NRG1: variants seen among roughly 807,000 people sequenced by gnomAD.
NRG1 encodes the protein neuregulin 1.
NRG1 carries 18 observed loss-of-function variants against 63.8 expected under a neutral mutation model. The observed-to-expected ratio is 0.28, with a 90% confidence interval of 0.19 to 0.42. The LOEUF (loss-of-function observed/expected upper bound fraction) is 0.42. Ranked by LOEUF, NRG1 falls within the 10% of genes least tolerant of loss-of-function variation. The pLI is 1.00. For synonymous variants in NRG1, 302 were observed against 301.3 expected (o/e 1.00, Z -0.02); for missense variants, 762 against 814.7 (o/e 0.94, Z 0.79).
intron 1 of NRG1, among the ~76,000 whole-genome samples, chr8:32,388,801 TA>T (rs1811348072): frequency 6.6e-6 from 1 of 152,066 alleles, no homozygotes; most frequent in African/African-American, 2.4e-5. Context: ...TAAAAATCAA[TA>T]AAAAATGATA....
At chr8:32,728,008 A>G (rs958835742) in exon 6 of NRG1, 48 of 1,614,010 alleles carry the variant, frequency 3.0e-5, no homozygotes, top group Non-Finnish European at 4.0e-5. Flanking sequence ...GAAGGAGAAA[A>G]CTTTCTGTGT....
intron 1 of NRG1, among the ~76,000 whole-genome samples, chr8:32,409,438 A>G (rs961317987): frequency 6.6e-6 from 1 of 152,238 alleles, no homozygotes; most frequent in African/African-American, 2.4e-5. Flanking sequence ...GCTTTGGCAC[A>G]GCAAAAGATA....
At chr8:32,387,290 A>G (rs941155035) in intron 1 of NRG1, among the ~76,000 whole-genome samples, 8 of 152,258 alleles carry the variant, frequency 5.3e-5, no homozygotes, top group Admixed American at 2.6e-4. Context: ...GTCATCAACA[A>G]TGGCTTTGAA....
intron 1 of NRG1, among the ~76,000 whole-genome samples, chr8:32,385,333 T>C (rs1810876760): frequency 6.6e-6 from 1 of 152,170 alleles, no homozygotes; most frequent in South Asian, 2.1e-4. Flanking sequence ...CTGGCCTCTC[T>C]TTTTTGAATG....
intron 1 of NRG1, among the ~76,000 whole-genome samples, chr8:31,732,915 A>G (rs1814246759): frequency 6.6e-6 from 1 of 152,064 alleles, no homozygotes; most frequent in African/African-American, 2.4e-5. Context: ...ACAAAAAACA[A>G]GTATATTGTG....
chr8:32,235,213 A>T (rs1021637101), intron 1 of NRG1, among the ~76,000 whole-genome samples: 1 of 136,528 alleles, frequency 7.3e-6, no homozygotes, highest in Non-Finnish European at 1.6e-5. Flanking sequence ...GGGCAATATG[A>T]TGAAACCTAA....
chr8:31,854,932 T>G (rs1827686600), intron 1 of NRG1, among the ~76,000 whole-genome samples: 1 of 152,208 alleles, frequency 6.6e-6, no homozygotes, highest in African/African-American at 2.4e-5. Context: ...TTGAGTGAGA[T>G]TCTTAATCCT....
intron 1 of NRG1, among the ~76,000 whole-genome samples, chr8:32,303,183 C>CAAAAAAAAAAAAA (rs1563291349): frequency 5.0e-5 from 3 of 59,708 alleles, no homozygotes; most frequent in Admixed American, 2.5e-4. Context: ...AACTCAGTCT[C>CAAAAAAAAAAAAA]CAAAAAAAAA....
At chr8:31,838,522 T>C (rs572303902) in intron 1 of NRG1, among the ~76,000 whole-genome samples, 3 of 152,236 alleles carry the variant, frequency 2.0e-5, no homozygotes, top group African/African-American at 2.4e-5. Context: ...AAGTTCAAGA[T>C]TGATTTAGAG....
At chr8:32,474,756 G>T (rs1459444649) in intron 1 of NRG1, among the ~76,000 whole-genome samples, 1 of 151,916 alleles carries the variant, frequency 6.6e-6, no homozygotes, top group Admixed American at 6.6e-5. Context: ...TGCCCACCTC[G>T]GCCTCCCAAA....
intron 1 of NRG1, among the ~76,000 whole-genome samples, chr8:31,645,684 A>G (rs1804220774): frequency 6.6e-6 from 1 of 152,342 alleles, no homozygotes; most frequent in African/African-American, 2.4e-5. Context: ...GGTCTTCTTC[A>G]GGAGAACCAG....
At chr8:32,753,189 G>A (rs1020040968) in intron 7 of NRG1, among the ~76,000 whole-genome samples, 27 of 152,152 alleles carry the variant, frequency 1.8e-4, no homozygotes, top group African/African-American at 6.5e-4. Context: ...AGCTTACACT[G>A]CTTATTTCAT....
chr8:32,102,382 C>G (rs756792989), intron 1 of NRG1, among the ~76,000 whole-genome samples: 3 of 152,102 alleles, frequency 2.0e-5, no homozygotes, highest in Non-Finnish European at 4.4e-5. Context: ...AAGCTTTCCT[C>G]CCTCCTTGGC....
intron 1 of NRG1, among the ~76,000 whole-genome samples, chr8:32,292,042 T>C (rs1854265651): frequency 6.6e-6 from 1 of 152,194 alleles, no homozygotes; most frequent in Non-Finnish European, 1.5e-5. Flanking sequence ...AATTCAATCC[T>C]GAGTTTTCAA....
At chr8:32,604,266 C>T (rs1844874359) in intron 2 of NRG1, among the ~76,000 whole-genome samples, 2 of 152,098 alleles carry the variant, frequency 1.3e-5, no homozygotes, top group Non-Finnish European at 1.5e-5. Context: ...ATGACACAGA[C>T]AAAAGCACAG....
rs4255096 is a variant in NRG1 at position 32,175,283 on chromosome 8, T to A, written c.38-420545T>A. Among the ~76,000 whole-genome samples, 73 of 148,908 alleles carry A rather than the reference T, an allele frequency of 4.9e-4. No individual in the cohort carries two copies. In the South Asian group the frequency reaches 8.1e-3, roughly 16 times the overall value. ...AAGGCCTTTGACAAAATTCAACAAC[T>A]CTTCATGCTAAAAACTATCAATAAA... On this transcript the variant is annotated intron_variant, in intron 1 of 10. Coordinates refer to the NRG1 transcript ENST00000519301.
At chr8:32,630,449 T>C (rs1490358707) in intron 5 of NRG1, among the ~76,000 whole-genome samples, 1 of 152,218 alleles carries the variant, frequency 6.6e-6, no homozygotes, top group Non-Finnish European at 1.5e-5. Flanking sequence ...GATGAAGAGA[T>C]AATGATGAGA....
intron 1 of NRG1, among the ~76,000 whole-genome samples, chr8:31,774,134 GCTGGCTTTCCTCCAAGTACA>G (rs930201732): frequency 3.9e-5 from 6 of 152,128 alleles, no homozygotes; most frequent in Middle Eastern, 3.4e-3. Context: ...TCTCCCCTTT[GCTGGCTTTCCTCCAAGTACA>G]CTGGGGTTTT....
At chr8:31,655,102 A>G (rs2130905327) in intron 1 of NRG1, among the ~76,000 whole-genome samples, 1 of 152,356 alleles carries the variant, frequency 6.6e-6, no homozygotes, top group East Asian at 1.9e-4. Context: ...TACAGGAATC[A>G]TAAGATTGCT....
Sources: allele counts gnomAD v4.1 joint callset (sites outside exome capture counted in the v4.1 genomes callset), GRCh38; gene constraint gnomAD v4.1.1; transcripts MANE v1.5; gene names NCBI Gene and HGNC (gene_info 2026-07-23, HGNC 2026-07-21).